The following BCL2L14 variants were observed in gnomAD, a reference collection of about 807,000 sequenced individuals.
The protein encoded by BCL2L14 is BCL2 like 14.
In BCL2L14, 27 loss-of-function variants were observed where a neutral mutation model predicts 35.3. The ratio of observed to expected loss-of-function variants is 0.76; its 90% CI spans 0.56 to 1.05. BCL2L14 has a LOEUF of 1.05. Among genes scored for constraint, BCL2L14 ranks in the 50% least tolerant of loss-of-function variants. The probability of loss-of-function intolerance (pLI) is 0.00; values close to 1 mark genes in which losing one functional copy is unlikely to be tolerated. For missense variants in BCL2L14, 377 were observed against 382.6 expected (o/e 0.99, Z 0.12); for synonymous variants, 139 against 145.9 (o/e 0.95, Z 0.34).
At chr12:12,079,765 C>G (rs1391718091) in intron 2 of BCL2L14, 27 bp downstream of exon 2, 2 of 1,597,174 alleles carry the variant, frequency 1.3e-6, no homozygotes, top group Admixed American at 3.4e-5. Flanking sequence ...TCTTTCTCTC[C>G]CGCTTCCTGG....
intron 2 of BCL2L14, among the ~76,000 whole-genome samples, chr12:12,085,739 G>A (rs926055424): frequency 3.3e-5 from 5 of 152,130 alleles, no homozygotes; most frequent in African/African-American, 1.2e-4. Flanking sequence ...TCCAGGGAGA[G>A]GGATCAGGAG....
chr12:12,055,260 C>T (rs1948414505), intron 2 of BCL2L14: 1 of 152,190 alleles, frequency 6.6e-6, no homozygotes, highest in African/African-American at 2.4e-5. Flanking sequence ...ACAATTTCAT[C>T]TAGCCAGCAA....
chr12:12,079,323 G>A lies in BCL2L14; in HGVS notation c.18G>A (p.Gly6=), dbSNP rs139406698. Residue 6 remains glycine (G), a synonymous_variant, in exon 2 of 6, where the codon GGG becomes GGA. Transcript: ENST00000308721. ...GGCCCAACATGTGTAGCACCAGTGGGTGTGACCTGGAAGAAATCCCCCTAG... is the reference window on the plus strand; with the variant it reads ...GGCCCAACATGTGTAGCACCAGTGGATGTGACCTGGAAGAAATCCCCCTAG... MCSTS[G]CDLEEIPLDD... 3 of 1,613,870 alleles carry A rather than the reference G, an allele frequency of 1.9e-6. No homozygotes were observed. The highest frequency in any genetic ancestry group is 1.7e-5 in the Admixed American group (1 of 60,012).
intron 2 of BCL2L14, among the ~76,000 whole-genome samples, chr12:12,086,449 G>A (rs7311616): frequency 0.016 from 2,461 of 152,290 alleles, 76 homozygotes; most frequent in African/African-American, 0.056. Flanking sequence ...GGGCAAAGGC[G>A]ACTGGTCTCT....
rs558026817 is a variant in BCL2L14, at chr12:12,057,627, C to G, written c.-272+5780C>G. The stretch of plus-strand genomic sequence containing the variant: ...ACAAAATTAGCTGGGTGTGGTGACA[C>G]ATGCCTGTAATCCCAGCTACTAGGG... On this transcript the variant is annotated intron_variant, in intron 2 of 3. Coordinates refer to the BCL2L14 transcript ENST00000461264. Among the ~76,000 whole-genome samples, 6 of 152,080 alleles carry G rather than the reference C, an allele frequency of 3.9e-5. No individual in the cohort carries two copies. The South Asian group carries it at 1.0e-3, about 26-fold the overall frequency.
At chr12:12,052,753 GT>G (rs1335940667) in intron 2 of BCL2L14, among the ~76,000 whole-genome samples, 3 of 152,202 alleles carry the variant, frequency 2.0e-5, no homozygotes, top group African/African-American at 7.2e-5. Context: ...TGGGATTGCT[GT>G]ATCAGGACCT....
intron 5 of BCL2L14, chr12:12,095,464 G>A: frequency 4.1e-6 from 4 of 985,182 alleles, no homozygotes; most frequent in Non-Finnish European, 4.8e-6. Flanking sequence ...CAATTACCTG[G>A]TATCAGTCAA....
chr12:12,078,068 T>C, intron 1 of BCL2L14: 1 of 365,560 alleles, frequency 2.7e-6, no homozygotes, highest in South Asian at 2.1e-5. Flanking sequence ...TTGCATCCTG[T>C]TGTTTTAGTG....
At chr12:12,062,055 C>G (rs988398574) in intron 2 of BCL2L14, among the ~76,000 whole-genome samples, 1 of 152,070 alleles carries the variant, frequency 6.6e-6, no homozygotes, top group Non-Finnish European at 1.5e-5. Flanking sequence ...CGCCCTAATA[C>G]TTTTAGAGGC....
chr12:12,052,584 T>G (rs569796154), intron 2 of BCL2L14, among the ~76,000 whole-genome samples: 1 of 152,388 alleles, frequency 6.6e-6, no homozygotes, highest in Non-Finnish European at 1.5e-5. Context: ...AGTATTCTAT[T>G]GTGCATATAT....
At position 12,094,780 on chromosome 12, in the gene BCL2L14, C is replaced by G; in HGVS notation, c.795C>G (p.Val265=). 1.2e-6 allele frequency: 2 copies of G among 1,614,168 alleles called. No individual in the cohort carries two copies. The highest frequency in any genetic ancestry group is 8.5e-7 in the Non-Finnish European group (1 of 1,180,028). ...MGVDPRGESE[V]KAQGFKAALV... ...TGGACCCCAGGGGAGAATCAGAGGT[C>G]AAAGCTCAGGGCTTTAAGGCTGCCC... The change falls in exon 5 of 6, where the codon GTC becomes GTG. Residue 265 remains valine, a synonymous_variant. Coordinates refer to ENST00000308721, the MANE Select transcript of BCL2L14 (RefSeq NM_138723.2).
chr12:12,087,944 G>C (rs1202666369), intron 3 of BCL2L14, among the ~76,000 whole-genome samples: 2 of 152,174 alleles, frequency 1.3e-5, no homozygotes, highest in African/African-American at 4.8e-5. Context: ...GGCACTGAGG[G>C]GAGAGTCAAG....
intron 2 of BCL2L14, among the ~76,000 whole-genome samples, chr12:12,052,570 G>A (rs1238265220): frequency 2.0e-5 from 3 of 152,334 alleles, no homozygotes; most frequent in East Asian, 3.9e-4. Context: ...GTTTAAGGCT[G>A]AGTAGTATTC....
At chr12:12,052,381 TC>T (rs1948370528) in intron 2 of BCL2L14, among the ~76,000 whole-genome samples, 1 of 141,254 alleles carries the variant, frequency 7.1e-6, no homozygotes, top group South Asian at 2.3e-4. Context: ...CAACCACCGC[TC>T]CACCCCCAGT....
chr12:12,078,311 G>A (rs1286577327), intron 1 of BCL2L14, among the ~76,000 whole-genome samples: 3 of 152,192 alleles, frequency 2.0e-5, no homozygotes, highest in Non-Finnish European at 4.4e-5. Flanking sequence ...AGGGTAGAGG[G>A]AGAAGGAACC....
intron 1 of BCL2L14, among the ~76,000 whole-genome samples, chr12:12,074,392 T>C (rs564317455): frequency 3.2e-4 from 48 of 152,242 alleles, no homozygotes; most frequent in Non-Finnish European, 6.0e-4. Context: ...TACTTTGTTT[T>C]TATATACATG....
At chr12:12,079,227 CCT>C (rs770635916) in intron 1 of BCL2L14, 70 bp from the exon 2 acceptor site, 124 of 1,290,970 alleles carry the variant, frequency 9.6e-5, no homozygotes, top group Non-Finnish European at 1.2e-4. Context: ...AGTTTTCACC[CCT>C]GTCTCTCCTA....
intron 2 of BCL2L14, among the ~76,000 whole-genome samples, chr12:12,064,595 A>G (rs1216240045): frequency 1.3e-5 from 2 of 152,188 alleles, no homozygotes; most frequent in Non-Finnish European, 2.9e-5. Flanking sequence ...TCTTTACTCT[A>G]AAAATTTTGC....
At chr12:12,080,588 C>G (rs1334301685) in intron 2 of BCL2L14, among the ~76,000 whole-genome samples, 1 of 150,848 alleles carries the variant, frequency 6.6e-6, no homozygotes, top group Non-Finnish European at 1.5e-5. Context: ...TCACTGCACT[C>G]CAGCCTGAGC....
Sources: allele counts gnomAD v4.1 joint callset (sites outside exome capture counted in the v4.1 genomes callset), GRCh38; gene constraint gnomAD v4.1.1; transcripts MANE v1.5; gene names NCBI Gene and HGNC (gene_info 2026-07-23, HGNC 2026-07-21).